The following CADPS variants were observed in gnomAD, a reference collection of about 807,000 sequenced individuals.
The protein encoded by CADPS is calcium dependent secretion activator.
CADPS carries 57 observed loss-of-function variants against 167.3 expected under a neutral mutation model. That is an observed-to-expected ratio of 0.34 (90% confidence interval 0.28 to 0.42). The LOEUF (loss-of-function observed/expected upper bound fraction) is 0.42, where lower values mean the gene tolerates loss of function less well. Ranked by LOEUF, CADPS falls within the 20% of genes least tolerant of loss-of-function variation. The pLI is 1.00. For missense variants in CADPS, 1,414 were observed against 1,738.1 expected, an observed-to-expected ratio of 0.81 and a Z score of 3.32; for synonymous variants, 676 against 635.3, an observed-to-expected ratio of 1.06 and a Z score of -0.96.
chr3:62,575,913 C>T (rs1319501774), intron 8 of CADPS, among the ~76,000 whole-genome samples: 1 of 152,136 alleles, frequency 6.6e-6, no homozygotes, highest in African/African-American at 2.4e-5. Context: ...GAATTTATTG[C>T]TAATTTGGCA....
At chr3:62,605,396 A>G (rs2060564531) in intron 6 of CADPS, among the ~76,000 whole-genome samples, 1 of 152,224 alleles carries the variant, frequency 6.6e-6, no homozygotes, top group African/African-American at 2.4e-5. Context: ...TATATCTATC[A>G]TCTAACAGCT....
chr3:62,629,677 C>T (rs534644893), intron 6 of CADPS, among the ~76,000 whole-genome samples: 187 of 152,242 alleles, frequency 1.2e-3, no homozygotes, highest in Non-Finnish European at 2.3e-3. Context: ...AAAGACCTTT[C>T]GTGTCCTACA....
chr3:62,718,597 GTGTAGACA>G (rs1320807344), intron 3 of CADPS, among the ~76,000 whole-genome samples: 3 of 152,218 alleles, frequency 2.0e-5, no homozygotes, highest in Non-Finnish European at 4.4e-5. Flanking sequence ...TCTCATTCAT[GTGTAGACA>G]TGAGACTGGG....
chr3:62,711,001 T>C (rs1404722043), intron 3 of CADPS, among the ~76,000 whole-genome samples: 1 of 152,304 alleles, frequency 6.6e-6, no homozygotes, highest in South Asian at 2.1e-4. Context: ...AGCCAGTCAC[T>C]GTTGCTTCTG....
intron 1 of CADPS, among the ~76,000 whole-genome samples, chr3:62,801,026 T>C (rs1276662924): frequency 6.6e-6 from 1 of 152,052 alleles, no homozygotes; most frequent in African/African-American, 2.4e-5. Flanking sequence ...GTCAAATGGA[T>C]CTTGATTTAA....
intron 3 of CADPS, among the ~76,000 whole-genome samples, chr3:62,735,210 AATG>A (rs2152218783): frequency 6.6e-6 from 1 of 152,300 alleles, no homozygotes; most frequent in Admixed American, 6.5e-5. Flanking sequence ...TCTCCACTTT[AATG>A]ATGAGTCAAA....
intron 17 of CADPS, among the ~76,000 whole-genome samples, chr3:62,508,687 C>T (rs1042637853): frequency 6.6e-6 from 1 of 152,130 alleles, no homozygotes; most frequent in Non-Finnish European, 1.5e-5. Flanking sequence ...TAATAAAACA[C>T]TTATCTCACA....
At chr3:62,831,731 C>T (rs927662086) in intron 1 of CADPS, among the ~76,000 whole-genome samples, 2 of 152,006 alleles carry the variant, frequency 1.3e-5, no homozygotes, top group East Asian at 3.9e-4. Flanking sequence ...ATGAGTGATC[C>T]AACAAAGGAA....
In CADPS at chr3:62,474,209, T is replaced by C. The variant is rs776749191; in HGVS notation, c.3441A>G (p.Gln1147=). ...MFNVMVDAKA[Q]STKLCSMEMG... ...TTTCCATGCTGCAAAGTTTTGTTGA[T>C]TGAGCTTTGGCATCAACCATAACAT... The change falls in exon 24 of 30, where the codon CAA becomes CAG. Residue 1147 remains glutamine, a synonymous_variant. Coordinates refer to ENST00000383710, the MANE Select transcript of CADPS (RefSeq NM_003716.4). 26 of 1,431,986 alleles carry C rather than the reference T, an allele frequency of 1.8e-5. No individual in the cohort carries two copies. Among genetic ancestry groups the C allele is most frequent in the African/African-American group, 6.1e-5 (4 of 65,448 alleles). The allele number at this position is 1,431,986 out of a possible 1,614,324, so 88.7% of individuals were successfully genotyped here.
In CADPS at chr3:62,822,580, G is replaced by A. The variant is rs114008574; in HGVS notation, c.441+52009C>T. Among the ~76,000 whole-genome samples, 297 of 152,268 alleles carry A rather than the reference G, an allele frequency of 2.0e-3. 2 individuals are homozygous for A. Among genetic ancestry groups the A allele is most frequent in the Middle Eastern group, 6.8e-3 (2 of 294 alleles). On this transcript the variant is annotated intron_variant, in intron 1 of 29. Coordinates refer to ENST00000383710, the MANE Select transcript of CADPS (RefSeq NM_003716.4). ...AGGTCAGCCAGGCATAGTGGCTCACGCCTGTAATCCCAACACTTTGGGAGG... is the reference window on the plus strand; with the variant it reads ...AGGTCAGCCAGGCATAGTGGCTCACACCTGTAATCCCAACACTTTGGGAGG...
intron 3 of CADPS, among the ~76,000 whole-genome samples, chr3:62,671,588 C>T (rs2075517785): frequency 6.6e-6 from 1 of 152,120 alleles, no homozygotes; most frequent in African/African-American, 2.4e-5. Context: ...CATCTCCATC[C>T]TCAACCACCG....
chr3:62,573,440 C>T (rs1256325995), intron 8 of CADPS, among the ~76,000 whole-genome samples: 1 of 152,142 alleles, frequency 6.6e-6, no homozygotes, highest in Admixed American at 6.6e-5. Flanking sequence ...CCATCTTGTG[C>T]ACTATCAGTG....
chr3:62,467,975 C>A (rs2060141189), intron 24 of CADPS, among the ~76,000 whole-genome samples: 1 of 152,116 alleles, frequency 6.6e-6, no homozygotes, highest in African/African-American at 2.4e-5. Context: ...ACTTAGTCAT[C>A]TCCTCCAGTT....
At chr3:62,660,420 C>T (rs115180119) in intron 4 of CADPS, among the ~76,000 whole-genome samples, 2,301 of 152,250 alleles carry the variant, frequency 0.015, 28 homozygotes, top group Non-Finnish European at 0.023. Flanking sequence ...GATTTTAAAG[C>T]GTAACCTTTT....
Position 62,518,185 on chromosome 3 carries a change from A to C in CADPS, c.2357T>G (p.Leu786Arg). 6.2e-7 allele frequency: 1 copy of C among 1,612,780 alleles called. No individual in the cohort carries two copies. Reference sequence around the variant, plus strand: ...AATCTGATTTTCTAGCAGAACTCGGAGCCTCTCTTTGATTTCTTCAAAACG... The same window carrying C: ...AATCTGATTTTCTAGCAGAACTCGGCGCCTCTCTTTGATTTCTTCAAAACG... Reference protein sequence around the residue: ...KERFEEIKERLRVLLENQITH... With the variant: ...KERFEEIKERRRVLLENQITH... Residue 786 changes from leucine to arginine, a missense_variant, in exon 14 of 30, where the codon CTC becomes CGC. Physicochemically the swap from Leu to Arg is moderately radical, Grantham distance 102 (BLOSUM62 -2). Transcript: ENST00000383710.
At chr3:62,836,355 G>A (rs2075885231) in intron 1 of CADPS, among the ~76,000 whole-genome samples, 1 of 152,126 alleles carries the variant, frequency 6.6e-6, no homozygotes, top group Admixed American at 6.6e-5. Context: ...AGGCAACCAA[G>A]ACAGTGTCCC....
intron 10 of CADPS, chr3:62,550,774 A>G (rs1181774712): frequency 2.2e-6 from 1 of 456,450 alleles, no homozygotes; most frequent in Non-Finnish European, 4.4e-6. Context: ...ACATTGCTGA[A>G]TAACCAGTGA....
chr3:62,706,871 T>A (rs2082403405), intron 3 of CADPS, among the ~76,000 whole-genome samples: 1 of 152,072 alleles, frequency 6.6e-6, no homozygotes, highest in East Asian at 1.9e-4. Flanking sequence ...GGGTGAGGGA[T>A]GAGAAACTAC....
At position 62,514,961 on chromosome 3, in the gene CADPS, C is replaced by T. The variant is rs2068638791; in HGVS notation, c.2581+1098G>A. On this transcript the variant is annotated intron_variant, in intron 16 of 29. Transcript: ENST00000383710. The surrounding 1 kb of genome is among the most constrained non-coding windows in gnomAD (Gnocchi z 4.2). Reference sequence around the variant, plus strand: ...ATTCTTAAGTGTTTCTCCCTGGATGCATAACAGTGAATTCATTACCACTGG... The same window carrying T: ...ATTCTTAAGTGTTTCTCCCTGGATGTATAACAGTGAATTCATTACCACTGG... Among the ~76,000 whole-genome samples, 3 of 152,252 alleles carry T rather than the reference C, an allele frequency of 2.0e-5. No individual in the cohort carries two copies. In the South Asian group the frequency reaches 6.2e-4, roughly 32 times the overall value.
Sources: allele counts gnomAD v4.1 joint callset (sites outside exome capture counted in the v4.1 genomes callset), GRCh38; gene constraint gnomAD v4.1.1; non-coding constraint Gnocchi (gnomAD v3.1); transcripts MANE v1.5; gene names NCBI Gene and HGNC (gene_info 2026-07-23, HGNC 2026-07-21).